The following TCTN2 variants were observed in gnomAD, a reference collection of about 807,000 sequenced individuals.
The protein encoded by TCTN2 is tectonic family member 2, also known as tectonic-2.
TCTN2 carries 66 observed loss-of-function variants against 83.4 expected under a neutral mutation model. The ratio of observed to expected loss-of-function variants is 0.79; its 90% confidence interval spans 0.65 to 0.97. The LOEUF is 0.97. Ranked by LOEUF, TCTN2 falls within the 50% of genes least tolerant of loss-of-function variation. TCTN2 has a pLI of 0.00. For missense variants in TCTN2, 794 were observed against 858.1 expected (o/e 0.93, Z 0.93); for synonymous variants, 301 against 326.7 (o/e 0.92, Z 0.85).
At chr12:123,684,417 T>G (rs915090882) in intron 5 of TCTN2, among the ~76,000 whole-genome samples, 1 of 151,486 alleles carries the variant, frequency 6.6e-6, no homozygotes, top group Non-Finnish European at 1.5e-5. Context: ...TTTTTTTTTT[T>G]TAAGACAGAG....
At chr12:123,705,236 C>G (rs1340740062) in intron 15 of TCTN2, among the ~76,000 whole-genome samples, 1 of 146,154 alleles carries the variant, frequency 6.8e-6, no homozygotes, top group African/African-American at 2.6e-5. Context: ...TATCTTGACT[C>G]ACTGCAACCT....
intron 7 of TCTN2, 107 bp from the exon 8 acceptor site, chr12:123,690,426 C>T: frequency 1.3e-6 from 2 of 1,502,326 alleles, no homozygotes; most frequent in Non-Finnish European, 1.8e-6. Flanking sequence ...GAAACCAGAC[C>T]AGCAATGGGA....
intron 12 of TCTN2, 31 bp downstream of exon 12, chr12:123,696,526 T>A (rs756528585): frequency 6.4e-7 from 1 of 1,569,992 alleles, no homozygotes; most frequent in East Asian, 2.2e-5. Flanking sequence ...TGATTAGCCC[T>A]TTGGCAAATT....
intron 17 of TCTN2, 116 bp downstream of exon 17, chr12:123,707,189 C>T (rs932338708): frequency 4.1e-5 from 37 of 892,386 alleles, no homozygotes; most frequent in African/African-American, 2.9e-4. Context: ...AAAAAAAGTA[C>T]GGATAATATT....
intron 11 of TCTN2, 48 bp downstream of exon 11, chr12:123,695,345 TC>T (rs1348481015): frequency 8.0e-7 from 1 of 1,245,908 alleles, no homozygotes; most frequent in South Asian, 1.2e-5. Context: ...ATACTTTAGT[TC>T]AACACTCCCA....
chr12:123,680,509 C>T (rs7970602), intron 5 of TCTN2, among the ~76,000 whole-genome samples: 60,953 of 146,630 alleles, frequency 0.42, 13,584 homozygotes, highest in African/African-American at 0.56. Context: ...TATTTTCTTT[C>T]TTTTTTCTTT....
At chr12:123,671,765 A>G in intron 2 of TCTN2, 151 bp downstream of exon 2, 1 of 703,912 alleles carries the variant, frequency 1.4e-6, no homozygotes, top group South Asian at 1.7e-5. Context: ...GCTGTAGGCC[A>G]AAGAGGACAG....
chr12:123,693,525 T>C (rs536479240), intron 9 of TCTN2, among the ~76,000 whole-genome samples: 221 of 150,940 alleles, frequency 1.5e-3, no homozygotes, highest in Non-Finnish European at 2.5e-3. Flanking sequence ...TAATCTTGGC[T>C]CACTATAACC....
intron 9 of TCTN2, among the ~76,000 whole-genome samples, chr12:123,693,146 C>T (rs1467078432): frequency 1.3e-5 from 2 of 149,034 alleles, no homozygotes; most frequent in Admixed American, 1.4e-4. Flanking sequence ...CCTGCCTCAG[C>T]CCCCTGAGTA....
chr12:123,676,417 A>C (rs1955821541), intron 4 of TCTN2, among the ~76,000 whole-genome samples: 1 of 151,526 alleles, frequency 6.6e-6, no homozygotes, highest in Non-Finnish European at 1.5e-5. Context: ...AAATACAAAA[A>C]ATTAGCCGGG....
At chr12:123,700,004 T>C in intron 14 of TCTN2, 194 bp downstream of exon 14, 1 of 646,580 alleles carries the variant, frequency 1.5e-6, no homozygotes, top group South Asian at 1.7e-5. Context: ...ACAATGACTT[T>C]TTTGATTTTC....
chr12:123,695,585 CTT>C (rs34123979), intron 11 of TCTN2: 5,355 of 172,236 alleles, frequency 0.031, 1 homozygote, highest in South Asian at 0.076. Flanking sequence ...CCATGCCTGG[CTT>C]TTTTTTTTTT....
At chr12:123,695,482 C>T (rs192388423) in intron 11 of TCTN2, 185 bp downstream of exon 11, 29 of 494,548 alleles carry the variant, frequency 5.9e-5, no homozygotes, top group Admixed American at 3.4e-5. Context: ...AGTGCAGTGG[C>T]GCAATCTCGG....
In TCTN2 at chr12:123,679,186, C is replaced by A; in HGVS notation, c.464-3C>A. 6.2e-7 allele frequency: 1 copy of A among 1,611,982 alleles called. No individual in the cohort carries two copies. On this transcript the variant is annotated splice_polypyrimidine_tract_variant and splice_region_variant and intron_variant, in intron 4 of 17. Coordinates refer to ENST00000303372, the MANE Select transcript of TCTN2 (RefSeq NM_024809.5). ...GAATTTTTCTGTTGTGTGTACTTTT[C>A]AGAGAACGTGACTGTCATTCCTAAC...
intron 4 of TCTN2, among the ~76,000 whole-genome samples, chr12:123,676,909 G>T (rs1400669632): frequency 6.6e-6 from 1 of 152,204 alleles, no homozygotes; most frequent in African/African-American, 2.4e-5. Context: ...GGTGGCTCAT[G>T]TACTATGCCT....
intron 15 of TCTN2, among the ~76,000 whole-genome samples, chr12:123,706,088 T>G (rs1956226355): frequency 6.6e-6 from 1 of 152,198 alleles, no homozygotes; most frequent in African/African-American, 2.4e-5. Context: ...CTGGGCAGAC[T>G]TTTATTGGTT....
intron 8 of TCTN2, among the ~76,000 whole-genome samples, chr12:123,691,144 C>T (rs544901438): frequency 1.3e-5 from 2 of 152,318 alleles, no homozygotes; most frequent in South Asian, 2.1e-4. Context: ...GCTGGGATTA[C>T]AGGTGTAAGC....
rs557018110 is a variant in TCTN2 at position 123,704,641 on chromosome 12, C to T, written c.1722C>T (p.Gly574=). The change falls in exon 15 of 18, where the codon GGC becomes GGT. Residue 574 remains glycine (G), a synonymous_variant. Transcript: ENST00000303372. ...LSIRILISDA[G]AVEGITQQEI... is the part of the protein sequence containing the mutation. ...TCCGCATCCTCATCTCGGATGCTGG[C>T]GCGGTGGAAGGGATTACTCAGCAGG... 23 of 1,612,776 alleles carry T rather than the reference C, an allele frequency of 1.4e-5. No individual in the cohort carries two copies. The Admixed American group carries it at 2.8e-4, about 20-fold the overall frequency.
At chr12:123,699,674 T>G in intron 13 of TCTN2, 30 bp from the exon 14 acceptor site, 234 of 1,555,050 alleles carry the variant, frequency 1.5e-4, no homozygotes, top group Non-Finnish European at 1.9e-4. Context: ...CTGCTGGCCA[T>G]GAGCTGAGAA....
Sources: gnomAD v4.1 joint callset for allele counts (sites outside exome capture counted in the v4.1 genomes callset) on GRCh38, gnomAD v4.1.1 for gene constraint, MANE v1.5 for transcripts, NCBI Gene and HGNC (gene_info 2026-07-23, HGNC 2026-07-21) for gene names.